Variants in SASH1 observed in about 807,000 individuals in gnomAD.
SASH1 encodes SAM and SH3 domain-containing protein 1.
In SASH1, 44 loss-of-function variants were observed where a neutral mutation model predicts 125.2. That is an observed-to-expected ratio of 0.35 (90% CI 0.28 to 0.45). The LOEUF is 0.45. Ranked by LOEUF, SASH1 falls within the 20% of genes least tolerant of loss-of-function variation. SASH1 has a pLI of 1.00. For synonymous variants in SASH1, 639 were observed against 649.1 expected (o/e 0.98, Z 0.24); for missense variants, 1,426 against 1,614.5 (o/e 0.88, Z 2.00).
chr6:148,392,496 A>G (rs1245741469), intron 2 of SASH1, among the ~76,000 whole-genome samples: 1 of 152,144 alleles, frequency 6.6e-6, no homozygotes, highest in African/African-American at 2.4e-5. Flanking sequence ...CTCTCATACA[A>G]GGGACTCAGC....
the SASH1 span, among the ~76,000 whole-genome samples, chr6:148,267,192 G>T: frequency 6.6e-6 from 1 of 152,292 alleles, no homozygotes; most frequent in African/African-American, 2.4e-5. Flanking sequence ...GGAAATGTTA[G>T]ATATTGCTTT....
intron 1 of SASH1, chr6:148,272,474 G>A (rs1779086331): frequency 9.5e-6 from 4 of 419,528 alleles, no homozygotes. Context: ...TGGGAAACAG[G>A]TATAAAGTAA....
At chr6:148,262,608 G>A in the SASH1 span, among the ~76,000 whole-genome samples, 2 of 152,206 alleles carry the variant, frequency 1.3e-5, no homozygotes, top group African/African-American at 4.8e-5. Context: ...TGAAGGCCGG[G>A]CAAGATGGTT....
chr6:148,320,294 G>C (rs1780604577), intron 1 of SASH1, among the ~76,000 whole-genome samples: 1 of 152,196 alleles, frequency 6.6e-6, no homozygotes, highest in Non-Finnish European at 1.5e-5. Flanking sequence ...CCTCTGAAAA[G>C]AGCTGATTGG....
intron 1 of SASH1, among the ~76,000 whole-genome samples, chr6:148,333,769 C>G (rs1781064684): frequency 6.6e-6 from 1 of 151,768 alleles, no homozygotes; most frequent in Non-Finnish European, 1.5e-5. Flanking sequence ...CCATGTTGGT[C>G]AGGCTGGTCT....
At chr6:148,420,624 C>T (rs575073967) in intron 2 of SASH1, among the ~76,000 whole-genome samples, 1 of 152,198 alleles carries the variant, frequency 6.6e-6, no homozygotes, top group Non-Finnish European at 1.5e-5. Context: ...ATATGGTGGG[C>T]TTGTTCATAC....
At chr6:148,201,436 C>T in the SASH1 span, among the ~76,000 whole-genome samples, 2 of 152,090 alleles carry the variant, frequency 1.3e-5, no homozygotes, top group East Asian at 1.9e-4. Flanking sequence ...CCTGGAAGGC[C>T]GATTAAAACC....
At chr6:148,233,880 T>C in the SASH1 span, among the ~76,000 whole-genome samples, 2 of 147,924 alleles carry the variant, frequency 1.4e-5, no homozygotes, top group Admixed American at 6.8e-5. Flanking sequence ...ACCACCGCAC[T>C]CCAGACTGGG....
chr6:148,208,114 C>T, the SASH1 span, among the ~76,000 whole-genome samples: 1 of 152,148 alleles, frequency 6.6e-6, no homozygotes, highest in Non-Finnish European at 1.5e-5. Context: ...GTGTGGTGCC[C>T]AGCCTCTTCT....
At chr6:148,537,988 T>C (rs1008664390) in intron 16 of SASH1, among the ~76,000 whole-genome samples, 2 of 152,172 alleles carry the variant, frequency 1.3e-5, no homozygotes, top group Non-Finnish European at 2.9e-5. Context: ...TCTTCCTTCT[T>C]ACCTTTTGTA....
At chr6:148,326,419 T>C (rs145007327) in intron 1 of SASH1, among the ~76,000 whole-genome samples, 62 of 80,590 alleles carry the variant, frequency 7.7e-4, no homozygotes, top group African/African-American at 2.1e-3. Flanking sequence ...CTTTTCTTTT[T>C]TTTGAGACAG....
chr6:148,361,414 C>T (rs139318410), intron 1 of SASH1, among the ~76,000 whole-genome samples: 1 of 152,188 alleles, frequency 6.6e-6, no homozygotes, highest in African/African-American at 2.4e-5. Context: ...CCCAGCCTGA[C>T]CAGCATGGAG....
intron 1 of SASH1, among the ~76,000 whole-genome samples, chr6:148,371,731 A>G (rs1217653433): frequency 1.3e-5 from 2 of 152,104 alleles, no homozygotes; most frequent in Non-Finnish European, 1.5e-5. Context: ...GAGTGGGGGC[A>G]GGGAACCTCC....
intron 2 of SASH1, among the ~76,000 whole-genome samples, chr6:148,433,185 C>T (rs1776134381): frequency 6.6e-6 from 1 of 151,986 alleles, no homozygotes; most frequent in Non-Finnish European, 1.5e-5. Flanking sequence ...TGAGGTTTTT[C>T]TCCCCAGTAA....
intron 1 of SASH1, among the ~76,000 whole-genome samples, chr6:148,300,024 C>A (rs1364887151): frequency 6.6e-6 from 1 of 152,108 alleles, no homozygotes; most frequent in Non-Finnish European, 1.5e-5. Flanking sequence ...CTGCAGCTCC[C>A]ATTCTACACT....
At chr6:148,266,947 G>A in the SASH1 span, among the ~76,000 whole-genome samples, 8 of 151,962 alleles carry the variant, frequency 5.3e-5, no homozygotes, top group Admixed American at 1.3e-4. Context: ...TGGGAAAGCC[G>A]GAGAGCTAGT....
intron 16 of SASH1, among the ~76,000 whole-genome samples, chr6:148,535,794 C>T (rs1189863042): frequency 3.9e-5 from 6 of 152,002 alleles, no homozygotes; most frequent in East Asian, 1.9e-4. Flanking sequence ...AATTCAAACA[C>T]GTTTTCCTTC....
At chr6:148,450,401 A>T (rs2115039337) in intron 4 of SASH1, among the ~76,000 whole-genome samples, 1 of 152,238 alleles carries the variant, frequency 6.6e-6, no homozygotes, top group Non-Finnish European at 1.5e-5. Context: ...CCAACTGGAT[A>T]TTACGATTAC....
rs1229112509 is a variant in SASH1 at position 148,343,118 on chromosome 6, C to CGAGCCG, written c.57_62dup (p.Glu22_Pro23dup). ...CGGGGCCGGAGCCTGAGCCCGAGCC[C>CGAGCCG]GAGCCGGAGCCCGAGCCCGCGCCGG... On this transcript the variant is annotated inframe_insertion, in exon 1 of 20. Transcript: ENST00000367467. The CGAGCCG allele has an allele frequency of 9.4e-6, 15 of 1,588,310 alleles. No homozygotes were observed. Among genetic ancestry groups the CGAGCCG allele is most frequent in the East Asian group, 2.3e-5 (1 of 44,384 alleles).
Sources: gnomAD v4.1 joint callset for allele counts (sites outside exome capture counted in the v4.1 genomes callset) on GRCh38, gnomAD v4.1.1 for gene constraint, MANE v1.5 for transcripts, NCBI Gene and HGNC (gene_info 2026-07-23, HGNC 2026-07-21) for gene names.